The following ARSB variants were observed in gnomAD, a reference collection of about 807,000 sequenced individuals.
The protein encoded by ARSB is arylsulfatase B.
ARSB carries 41 observed loss-of-function variants against 50.9 expected under a neutral mutation model. That is an observed-to-expected ratio of 0.81 (90% CI 0.63 to 1.04). The LOEUF (loss-of-function observed/expected upper bound fraction) is 1.04. ARSB is among the 50% of genes least tolerant of loss of function. ARSB has a pLI of 0.00. For synonymous variants in ARSB, 269 were observed against 284.8 expected (o/e 0.94, Z 0.56); for missense variants, 672 against 693.3 (o/e 0.97, Z 0.35).
intron 6 of ARSB, among the ~76,000 whole-genome samples, chr5:78,829,447 CTTATA>C (rs1470406393): frequency 2.6e-5 from 4 of 152,182 alleles, no homozygotes; most frequent in African/African-American, 4.8e-5. Context: ...GTCCTTACTG[CTTATA>C]TTATATCACT....
chr5:78,794,129 T>C (rs1010562116), intron 6 of ARSB, among the ~76,000 whole-genome samples: 12 of 152,130 alleles, frequency 7.9e-5, no homozygotes, highest in African/African-American at 2.7e-4. Flanking sequence ...CTGGAATCAA[T>C]CTCATCCTGT....
intron 1 of ARSB, among the ~76,000 whole-genome samples, chr5:78,982,798 G>A (rs1377163159): frequency 6.6e-6 from 1 of 152,118 alleles, no homozygotes; most frequent in Non-Finnish European, 1.5e-5. Context: ...ATCTACTTGG[G>A]TCTCATGAAC....
At position 78,969,098 on chromosome 5, in the gene ARSB, G is replaced by C; in HGVS notation, c.407C>G (p.Ala136Gly). The stretch of plus-strand genomic sequence containing the variant: ...TCCGACCATATGGGTAGTATAACCT[G>C]CTTCTTTTAGGAGCTGGGGCAGGAG... ...EKLLPQLLKEAGYTTHMVGKW... is the reference protein window; with the variant it reads ...EKLLPQLLKEGGYTTHMVGKW... The change falls in exon 2 of 8, where the codon GCA (alanine) becomes GGA (glycine). Residue 136 changes from alanine (A) to glycine (G), a missense_variant. Physicochemically the swap from Ala to Gly is moderately conservative, Grantham distance 60 (BLOSUM62 0). Coordinates refer to ENST00000264914, the MANE Select transcript of ARSB (RefSeq NM_000046.5). 6.2e-7 allele frequency: 1 copy of C among 1,614,186 alleles called. No individual in the cohort carries two copies.
chr5:78,790,886 C>T (rs532851583), intron 6 of ARSB, among the ~76,000 whole-genome samples: 1 of 152,226 alleles, frequency 6.6e-6, no homozygotes, highest in Admixed American at 6.5e-5. Context: ...TATATTTGTT[C>T]CCCCATTTAT....
chr5:78,920,495 CA>C (rs1325733657), intron 4 of ARSB, among the ~76,000 whole-genome samples: 1 of 152,140 alleles, frequency 6.6e-6, no homozygotes, highest in Admixed American at 6.5e-5. Flanking sequence ...GGATGGAAGT[CA>C]GGGGTAGAAA....
chr5:78,975,745 A>G (rs1384568352), intron 1 of ARSB, among the ~76,000 whole-genome samples: 1 of 152,260 alleles, frequency 6.6e-6, no homozygotes, highest in Non-Finnish European at 1.5e-5. Context: ...AGTTTAATTA[A>G]GATGGTGAGC....
rs146502872 is a variant in ARSB at position 78,926,263 on chromosome 5, C to A, written c.898+29032G>T. On this transcript the variant is annotated intron_variant, in intron 4 of 7. Coordinates refer to ENST00000264914, the MANE Select transcript of ARSB (RefSeq NM_000046.5). ...AGCACATCACAGCAAACAAGTTAAG[C>A]ATCTGGGTTTTCTTTGAAGCAGCTG... 4.0e-3 allele frequency among the ~76,000 whole-genome samples: 608 copies of A among 152,282 alleles called. 3 individuals carry two copies. Among genetic ancestry groups the A allele is most frequent in the Middle Eastern group, 0.024 (7 of 294 alleles).
chr5:78,932,065 A>T (rs1021887815), intron 4 of ARSB, among the ~76,000 whole-genome samples: 1 of 152,218 alleles, frequency 6.6e-6, no homozygotes, highest in Non-Finnish European at 1.5e-5. Flanking sequence ...TCTTTATAGC[A>T]GTGTGAGAAT....
intron 6 of ARSB, among the ~76,000 whole-genome samples, chr5:78,829,988 C>G (rs1257977853): frequency 6.6e-6 from 1 of 152,142 alleles, no homozygotes; most frequent in Non-Finnish European, 1.5e-5. Context: ...CTTTACCAGA[C>G]CTGGGGAGGC....
chr5:78,960,287 C>T (rs74728425), intron 3 of ARSB, among the ~76,000 whole-genome samples: 2,370 of 152,094 alleles, frequency 0.016, 58 homozygotes, highest in African/African-American at 0.053. Flanking sequence ...AATATCCTCA[C>T]CATGCTAAGA....
chr5:78,865,593 G>T (rs1746680871), intron 5 of ARSB, among the ~76,000 whole-genome samples: 1 of 152,128 alleles, frequency 6.6e-6, no homozygotes, highest in African/African-American at 2.4e-5. Context: ...AATTTCCACA[G>T]CCTGCTTGAA....
intron 4 of ARSB, among the ~76,000 whole-genome samples, chr5:78,900,330 G>GA (rs1748743251): frequency 6.6e-6 from 1 of 152,188 alleles, no homozygotes; most frequent in Non-Finnish European, 1.5e-5. Flanking sequence ...TGTCCTCAGA[G>GA]ATATTTCTCC....
At chr5:78,948,200 T>C (rs1056478161) in intron 4 of ARSB, among the ~76,000 whole-genome samples, 1 of 151,994 alleles carries the variant, frequency 6.6e-6, no homozygotes. Context: ...TATACTTAGA[T>C]AGAATGAATA....
intron 6 of ARSB, among the ~76,000 whole-genome samples, chr5:78,795,956 TG>T (rs541230486): frequency 6.6e-5 from 10 of 152,374 alleles, no homozygotes; most frequent in African/African-American, 2.4e-4. Flanking sequence ...TAATCATTAT[TG>T]CATTGTGCAT....
rs1161849750 is a variant in ARSB at position 78,985,272 on chromosome 5, G to C, written c.-24C>G. On this transcript the variant is annotated 5_prime_UTR_variant, in exon 1 of 8. Coordinates refer to ENST00000264914, the MANE Select transcript of ARSB (RefSeq NM_000046.5). Reference sequence around the variant, plus strand: ...ATCCTTGTCCGCCCGCGGTCCCAGCGCCTGTGGCGCCACCAGCCCCTTGTA... The same window carrying C: ...ATCCTTGTCCGCCCGCGGTCCCAGCCCCTGTGGCGCCACCAGCCCCTTGTA... 22 of 1,292,634 alleles carry C rather than the reference G, an allele frequency of 1.7e-5. No homozygotes were observed. Among genetic ancestry groups the C allele is most frequent in the Non-Finnish European group, 2.0e-5 (20 of 1,024,944 alleles). The allele number at this position is 1,292,634 out of a possible 1,614,324, so 80.1% of individuals were successfully genotyped here.
At chr5:78,942,835 T>C (rs1011249077) in intron 4 of ARSB, among the ~76,000 whole-genome samples, 1 of 152,216 alleles carries the variant, frequency 6.6e-6, no homozygotes, top group Non-Finnish European at 1.5e-5. Flanking sequence ...TGGATATCCT[T>C]GTTAACTTTC....
At chr5:78,870,035 C>T in intron 5 of ARSB, among the ~76,000 whole-genome samples, 1 of 134,842 alleles carries the variant, frequency 7.4e-6, no homozygotes. Flanking sequence ...ACTACAAACA[C>T]CTCTACGCAA....
chr5:78,802,484 T>G (rs1192775893), intron 6 of ARSB, among the ~76,000 whole-genome samples: 1 of 152,150 alleles, frequency 6.6e-6, no homozygotes, highest in Non-Finnish European at 1.5e-5. Flanking sequence ...ATGAATGAAC[T>G]GGAGTGCTGC....
At chr5:78,856,799 G>A (rs2112079504) in intron 5 of ARSB, among the ~76,000 whole-genome samples, 1 of 152,298 alleles carries the variant, frequency 6.6e-6, no homozygotes, top group East Asian at 1.9e-4. Flanking sequence ...ACATCATACA[G>A]TTCCAAAGTT....
Sources: gnomAD v4.1 joint callset for allele counts (sites outside exome capture counted in the v4.1 genomes callset) on GRCh38, gnomAD v4.1.1 for gene constraint, MANE v1.5 for transcripts, NCBI Gene and HGNC (gene_info 2026-07-23, HGNC 2026-07-21) for gene names.